OSBPL11: variants seen among roughly 807,000 people sequenced by gnomAD.
OSBPL11 encodes the protein oxysterol binding protein like 11, also known as oxysterol-binding protein-related protein 11.
In OSBPL11, 33 loss-of-function variants were observed where a neutral mutation model predicts 84.4. The ratio of observed to expected loss-of-function variants is 0.39; its 90% CI spans 0.30 to 0.52. The LOEUF (loss-of-function observed/expected upper bound fraction) is 0.52. Ranked by LOEUF, OSBPL11 falls within the 20% of genes least tolerant of loss-of-function variation. The pLI is 0.72. For missense variants in OSBPL11, 736 were observed against 901.1 expected (o/e 0.82, Z 2.35); for synonymous variants, 276 against 310.2 (o/e 0.89, Z 1.16).
rs1580052283 is a variant in OSBPL11 at position 125,563,783 on chromosome 3, G to A, written c.929C>T (p.Ala310Val). 1 of 1,614,196 alleles carries A rather than the reference G, an allele frequency of 6.2e-7. No homozygotes were observed. The highest frequency in any genetic ancestry group is 2.2e-5 in the East Asian group (1 of 44,888). Reference sequence around the variant, plus strand: ...CTGATCAGTTGCAAAGGGCTGGTCAGCTCCATTTTTATAGTGGTTTGATAA... The same window carrying A: ...CTGATCAGTTGCAAAGGGCTGGTCAACTCCATTTTTATAGTGGTTTGATAA... Reference protein sequence around the residue: ...ISLSNHYKNGADQPFATDQSK... With the variant: ...ISLSNHYKNGVDQPFATDQSK... Residue 310 changes from alanine to valine, a missense_variant, in exon 7 of 13, where the codon GCT becomes GTT. Coordinates refer to ENST00000296220, the MANE Select transcript of OSBPL11 (RefSeq NM_022776.5).
intron 5 of OSBPL11, among the ~76,000 whole-genome samples, chr3:125,575,516 G>A (rs1483301079): frequency 3.4e-5 from 5 of 147,708 alleles, no homozygotes; most frequent in Admixed American, 6.8e-5. Context: ...ATAAGACACC[G>A]CGACCTACCA....
At chr3:125,556,953 G>A (rs891263306) in intron 8 of OSBPL11, among the ~76,000 whole-genome samples, 28 of 152,040 alleles carry the variant, frequency 1.8e-4, no homozygotes, top group Non-Finnish European at 3.2e-4. Context: ...TTTTTTCTTT[G>A]AATGTTTATA....
At chr3:125,540,936 A>G (rs1301949808) in intron 10 of OSBPL11, among the ~76,000 whole-genome samples, 1 of 152,162 alleles carries the variant, frequency 6.6e-6, no homozygotes, top group Non-Finnish European at 1.5e-5. Flanking sequence ...TGCTTATAAC[A>G]ATTCTTCACA....
intron 8 of OSBPL11, among the ~76,000 whole-genome samples, chr3:125,560,162 G>A (rs915054662): frequency 5.9e-5 from 9 of 152,162 alleles, no homozygotes; most frequent in African/African-American, 2.2e-4. Context: ...CCAGGAGGCT[G>A]AGGCAAGAGA....
chr3:125,551,931 A>T (rs1935914907), intron 9 of OSBPL11, among the ~76,000 whole-genome samples: 1 of 152,098 alleles, frequency 6.6e-6, no homozygotes, highest in African/African-American at 2.4e-5. Context: ...AAAGTAACAT[A>T]ATATTTTAAA....
Position 125,579,053 on chromosome 3 carries a change from G to A in OSBPL11, c.410-14C>T. ...TTGCATCTGTAGCTGTTAAAAGAAT[G>A]TAAAAATTATTTTATATTTATTTAT... On this transcript the variant is annotated splice_polypyrimidine_tract_variant and intron_variant, in intron 3 of 12. Coordinates refer to ENST00000296220, the MANE Select transcript of OSBPL11 (RefSeq NM_022776.5). The A allele has an allele frequency of 1.3e-6, 2 of 1,541,646 alleles. No individual in the cohort carries two copies. The highest frequency in any genetic ancestry group is 1.8e-6 in the Non-Finnish European group (2 of 1,131,978).
chr3:125,564,655 TC>T (rs1290286243), intron 6 of OSBPL11, among the ~76,000 whole-genome samples: 1 of 148,594 alleles, frequency 6.7e-6, no homozygotes, highest in African/African-American at 2.5e-5. Context: ...AAATGTATTA[TC>T]CTTTTTTTTT....
In OSBPL11 at chr3:125,536,125, T is replaced by C. The variant is rs145323566; in HGVS notation, c.2024+2326A>G. On this transcript the variant is annotated intron_variant, in intron 11 of 12. Coordinates refer to ENST00000296220, the MANE Select transcript of OSBPL11 (RefSeq NM_022776.5). The stretch of plus-strand genomic sequence containing the variant: ...ACTCCAACTTAGGTGACAGAGTGAG[T>C]CCATCTCAAAAAAAAAAAAAAAATT... Among the ~76,000 whole-genome samples, 355 of 127,966 alleles carry C rather than the reference T, an allele frequency of 2.8e-3. 4 individuals are homozygous for C. The highest frequency in any genetic ancestry group is 0.012 in the African/African-American group (341 of 27,724). The allele number at this position is 127,966 out of a possible 152,430, so 84.0% of individuals were successfully genotyped here.
intron 5 of OSBPL11, among the ~76,000 whole-genome samples, chr3:125,574,912 G>T (rs1168509086): frequency 6.6e-6 from 1 of 152,120 alleles, no homozygotes; most frequent in Non-Finnish European, 1.5e-5. Context: ...GGATTTTCAT[G>T]TAACAAAATA....
In OSBPL11 at chr3:125,554,151, C is replaced by G. The variant is rs148069751; in HGVS notation, c.1156-1472G>C. The stretch of plus-strand genomic sequence containing the variant: ...ACTCCACACTGTTAGTAACTACCCT[C>G]TTGGACCTCAAAGTCTAGAGGTTTA... On this transcript the variant is annotated intron_variant, in intron 8 of 12. Coordinates refer to ENST00000296220, the MANE Select transcript of OSBPL11 (RefSeq NM_022776.5). Among the ~76,000 whole-genome samples, 308 of 152,350 alleles carry G rather than the reference C, an allele frequency of 2.0e-3. 1 individual carries two copies. The highest frequency in any genetic ancestry group is 6.9e-3 in the African/African-American group (287 of 41,586).
At position 125,556,436 on chromosome 3, in the gene OSBPL11, A is replaced by G. The variant is rs1209432606; in HGVS notation, c.1156-3757T>C. Reference sequence around the variant, plus strand: ...GAAAGAAGCCTTCTGACTTCAATCTATTCCTCAGAGTTGGAGGTAGGTCAC... The same window carrying G: ...GAAAGAAGCCTTCTGACTTCAATCTGTTCCTCAGAGTTGGAGGTAGGTCAC... On this transcript the variant is annotated intron_variant, in intron 8 of 12. Coordinates refer to ENST00000296220, the MANE Select transcript of OSBPL11 (RefSeq NM_022776.5). 2.6e-5 allele frequency among the ~76,000 whole-genome samples: 4 copies of G among 152,318 alleles called. No individual in the cohort carries two copies. In the East Asian group the frequency reaches 5.8e-4, roughly 22 times the overall value.
chr3:125,531,749 T>C (rs542677274), intron 12 of OSBPL11, 112 bp downstream of exon 12: 2 of 1,080,832 alleles, frequency 1.9e-6, no homozygotes, highest in East Asian at 2.5e-5. Context: ...TATACAGCCA[T>C]ACTACTTTTA....
chr3:125,539,728 C>T (rs575098990), intron 10 of OSBPL11, among the ~76,000 whole-genome samples: 2 of 152,056 alleles, frequency 1.3e-5, no homozygotes, highest in African/African-American at 4.8e-5. Flanking sequence ...GGATTACAGG[C>T]GTGAGCCACT....
rs148553161 is a variant in OSBPL11 at position 125,555,949 on chromosome 3, C to T, written c.1156-3270G>A. 1.8e-4 allele frequency among the ~76,000 whole-genome samples: 28 copies of T among 152,308 alleles called. No homozygotes were observed. In the East Asian group the frequency reaches 5.2e-3, roughly 28 times the overall value. On this transcript the variant is annotated intron_variant, in intron 8 of 12. Coordinates refer to ENST00000296220, the MANE Select transcript of OSBPL11 (RefSeq NM_022776.5). ...CTGCCTGCTTTGGCCTCCCAAAGTGCTGGGATTACAGGCGTGAGCCACTGC... is the reference window on the plus strand; with the variant it reads ...CTGCCTGCTTTGGCCTCCCAAAGTGTTGGGATTACAGGCGTGAGCCACTGC...
At chr3:125,570,995 G>A (rs1336754370) in intron 5 of OSBPL11, among the ~76,000 whole-genome samples, 4 of 152,198 alleles carry the variant, frequency 2.6e-5, no homozygotes, top group Non-Finnish European at 5.9e-5. Flanking sequence ...GAAGAAGACA[G>A]GAAAATGTGG....
At chr3:125,572,586 A>T (rs1480348566) in intron 5 of OSBPL11, among the ~76,000 whole-genome samples, 1 of 151,978 alleles carries the variant, frequency 6.6e-6, no homozygotes, top group Non-Finnish European at 1.5e-5. Flanking sequence ...AAGTCTCACA[A>T]GATCTGATGG....
At chr3:125,583,063 G>C in intron 1 of OSBPL11, 85 bp from the exon 2 acceptor site, 1 of 897,392 alleles carries the variant, frequency 1.1e-6, no homozygotes, top group Middle Eastern at 2.3e-4. Context: ...AATAGCTGCA[G>C]ATACATATAT....
Position 125,531,918 on chromosome 3 carries a change from T to C in OSBPL11, c.2121A>G (p.Glu707=), listed in dbSNP as rs755110655. The change falls in exon 12 of 13, where the codon GAA becomes GAG. Residue 707 remains glutamate, a synonymous_variant. Transcript: ENST00000296220. ...TGCCTGTTTCAGTACGATGCCTTTCTTCAGTCCTCTGACGTTCTTCCAGGG... is the reference window on the plus strand; with the variant it reads ...TGCCTGTTTCAGTACGATGCCTTTCCTCAGTCCTCTGACGTTCTTCCAGGG... ...KHTLEERQRT[E]ERHRTETGTP... is the part of the protein sequence containing the mutation. The C allele has an allele frequency of 5.6e-6, 9 of 1,614,146 alleles. No individual in the cohort carries two copies. The South Asian group carries it at 9.9e-5, about 18-fold the overall frequency.
intron 5 of OSBPL11, 58 bp from the exon 6 acceptor site, chr3:125,567,653 T>A: frequency 7.2e-7 from 1 of 1,381,486 alleles, no homozygotes; most frequent in Admixed American, 1.8e-5. Flanking sequence ...CATGTATACA[T>A]ACAGTTGCCA....
Sources: gnomAD v4.1 joint callset for allele counts (sites outside exome capture counted in the v4.1 genomes callset) on GRCh38, gnomAD v4.1.1 for gene constraint, MANE v1.5 for transcripts, NCBI Gene and HGNC (gene_info 2026-07-23, HGNC 2026-07-21) for gene names.